The following CGNL1 variants were observed in gnomAD, a reference collection of about 807,000 sequenced individuals.
The protein encoded by CGNL1 is cingulin-like protein 1.
CGNL1 carries 132 observed loss-of-function variants against 141.2 expected under a neutral mutation model. The ratio of observed to expected loss-of-function variants is 0.93; its 90% CI spans 0.81 to 1.08. The LOEUF (loss-of-function observed/expected upper bound fraction) is 1.08, where lower values mean the gene tolerates loss of function less well. Ranked by LOEUF, CGNL1 falls within the 50% of genes least tolerant of loss-of-function variation. The pLI is 0.00. For missense variants in CGNL1, 1,870 were observed against 1,588.6 expected, an observed-to-expected ratio of 1.18 and a Z score of -3.01; for synonymous variants, 690 against 622.1, an observed-to-expected ratio of 1.11 and a Z score of -1.63.
intron 8 of CGNL1, among the ~76,000 whole-genome samples, chr15:57,479,481 C>T (rs12441608): frequency 0.25 from 38,103 of 151,856 alleles, 6,063 homozygotes; most frequent in East Asian, 0.6. Flanking sequence ...CTGGCCAACA[C>T]TGTGAAACCC....
In CGNL1 at chr15:57,442,182, G is replaced by GAAAAAAAAAAAAAAAAAAAA. The variant is rs61564944; in HGVS notation, c.1698-189_1698-170dup. ...TTGAGTGGTAACACATCATTTATTT[G>GAAAAAAAAAAAAAAAAAAAA]AAAAAAAAAAAAAAAAAAAAAGACA... On this transcript the variant is annotated intron_variant, in intron 3 of 18. Coordinates refer to ENST00000281282, the MANE Select transcript of CGNL1 (RefSeq NM_032866.5). 2.3e-3 allele frequency among the ~76,000 whole-genome samples: 220 copies of GAAAAAAAAAAAAAAAAAAAA among 96,494 alleles called. 20 individuals are homozygous for GAAAAAAAAAAAAAAAAAAAA. The highest frequency in any genetic ancestry group is 8.8e-3 in the African/African-American group (206 of 23,284). The allele number at this position is 96,494 out of a possible 152,430, so 63.3% of individuals were successfully genotyped here.
At chr15:57,489,010 G>A (rs530425316) in intron 8 of CGNL1, among the ~76,000 whole-genome samples, 3 of 152,210 alleles carry the variant, frequency 2.0e-5, no homozygotes, top group South Asian at 4.1e-4. Context: ...TGTCTAGTCC[G>A]GAATTTTTAA....
intron 8 of CGNL1, among the ~76,000 whole-genome samples, chr15:57,499,755 C>T (rs189658693): frequency 1.0e-3 from 159 of 152,250 alleles, no homozygotes; most frequent in African/African-American, 3.7e-3. Context: ...GTACTTTCCA[C>T]AGATAGTTGT....
At chr15:57,473,095 T>A (rs1437707550) in intron 8 of CGNL1, among the ~76,000 whole-genome samples, 5 of 152,074 alleles carry the variant, frequency 3.3e-5, no homozygotes, top group African/African-American at 1.2e-4. Flanking sequence ...GTGGATATGG[T>A]CAAGCCACAA....
intron 8 of CGNL1, among the ~76,000 whole-genome samples, chr15:57,481,506 A>G (rs2063725833): frequency 6.6e-6 from 1 of 152,180 alleles, no homozygotes; most frequent in Admixed American, 6.5e-5. Context: ...AAGCTGCTGC[A>G]TGTATCAACA....
chr15:57,398,155 T>C (rs1375114832), intron 1 of CGNL1, among the ~76,000 whole-genome samples: 1 of 152,230 alleles, frequency 6.6e-6, no homozygotes, highest in African/African-American at 2.4e-5. Context: ...TGTAAAGCAT[T>C]TGGAAAATAC....
At chr15:57,458,532 AC>A (rs1266342423) in intron 7 of CGNL1, among the ~76,000 whole-genome samples, 1 of 152,228 alleles carries the variant, frequency 6.6e-6, no homozygotes, top group African/African-American at 2.4e-5. Context: ...AAAAGGCAAC[AC>A]AAAACATAGA....
In CGNL1 at chr15:57,516,844, G is replaced by A. The variant is rs369076482; in HGVS notation, c.2468G>A (p.Arg823His). ...SEQDQAGTEMRVKLLQEENEK... is the reference protein window; with the variant it reads ...SEQDQAGTEMHVKLLQEENEK... ...CAAGACCAGGCGGGGACTGAAATGCGCGTGAAGCTTCTGCAGGAGGAGAAT... is the reference window on the plus strand; with the variant it reads ...CAAGACCAGGCGGGGACTGAAATGCACGTGAAGCTTCTGCAGGAGGAGAAT... Residue 823 changes from arginine (R) to histidine (H), a missense_variant, in exon 9 of 19, where the codon CGC becomes CAC. Transcript: ENST00000281282. The A allele has an allele frequency of 3.5e-5, 56 of 1,614,042 alleles. 1 individual carries two copies. Among genetic ancestry groups the A allele is most frequent in the Middle Eastern group, 3.3e-4 (2 of 6,060 alleles).
chr15:57,501,064 C>T (rs191205378), intron 8 of CGNL1, among the ~76,000 whole-genome samples: 1 of 152,252 alleles, frequency 6.6e-6, no homozygotes, highest in Non-Finnish European at 1.5e-5. Context: ...AATACCTAGA[C>T]ACATAAAAAC....
intron 8 of CGNL1, among the ~76,000 whole-genome samples, chr15:57,488,619 G>T (rs1201383537): frequency 6.6e-6 from 1 of 152,148 alleles, no homozygotes; most frequent in Non-Finnish European, 1.5e-5. Context: ...AAGCCCAAGG[G>T]TACACTGGTC....
In CGNL1 at chr15:57,438,249, C is replaced by T; in HGVS notation, c.250C>T (p.Leu84=). Residue 84 remains leucine (L), a synonymous_variant, in exon 2 of 19, where the codon CTG becomes TTG. Coordinates refer to ENST00000281282, the MANE Select transcript of CGNL1 (RefSeq NM_032866.5). ...PPFPPPVINN[L]PLHSSNGSVP... ...CTTTCCACCTCCAGTGATAAATAAC[C>T]TGCCTCTACATTCCAGCAATGGTTC... 4 of 1,614,158 alleles carry T rather than the reference C, an allele frequency of 2.5e-6. No homozygotes were observed. The highest frequency in any genetic ancestry group is 1.3e-5 in the African/African-American group (1 of 75,034).
intron 14 of CGNL1, among the ~76,000 whole-genome samples, chr15:57,538,311 A>G (rs1396868984): frequency 1.3e-5 from 2 of 152,244 alleles, no homozygotes; most frequent in Admixed American, 6.5e-5. Context: ...CTGGGTTTGC[A>G]AAGACTGAAG....
chr15:57,451,023 A>AC (rs1481284129), intron 4 of CGNL1, among the ~76,000 whole-genome samples: 1 of 151,466 alleles, frequency 6.6e-6, no homozygotes, highest in Non-Finnish European at 1.5e-5. Context: ...AAAATAGAAA[A>AC]AATGACTGTC....
At chr15:57,482,031 T>C (rs1230355287) in intron 8 of CGNL1, among the ~76,000 whole-genome samples, 1 of 152,228 alleles carries the variant, frequency 6.6e-6, no homozygotes, top group Non-Finnish European at 1.5e-5. Context: ...TGTCATTTCA[T>C]GTGCTCTTTT....
chr15:57,490,259 A>G (rs2063840559), intron 8 of CGNL1, among the ~76,000 whole-genome samples: 1 of 152,114 alleles, frequency 6.6e-6, no homozygotes, highest in African/African-American at 2.4e-5. Flanking sequence ...TGGATTTATG[A>G]CCTCTGGCTC....
At chr15:57,426,796 G>T (rs1370532415) in intron 1 of CGNL1, among the ~76,000 whole-genome samples, 1 of 152,056 alleles carries the variant, frequency 6.6e-6, no homozygotes, top group African/African-American at 2.4e-5. Context: ...GACATGAATG[G>T]TCCTTCTCCC....
At chr15:57,424,880 T>C (rs2062955940) in intron 1 of CGNL1, among the ~76,000 whole-genome samples, 1 of 152,234 alleles carries the variant, frequency 6.6e-6, no homozygotes, top group Non-Finnish European at 1.5e-5. Context: ...TGATACAGTT[T>C]CAGCAAAATG....
intron 1 of CGNL1, among the ~76,000 whole-genome samples, chr15:57,429,265 T>TG (rs2063015953): frequency 6.6e-6 from 1 of 151,998 alleles, no homozygotes; most frequent in Non-Finnish European, 1.5e-5. Context: ...CCACTTGACT[T>TG]GGGGGGTGGG....
intron 1 of CGNL1, among the ~76,000 whole-genome samples, chr15:57,425,229 T>A (rs1234944938): frequency 5.3e-5 from 8 of 152,206 alleles, no homozygotes; most frequent in Non-Finnish European, 1.0e-4. Flanking sequence ...CTGGGCGTGG[T>A]GGCTCGTGCT....
Sources: gnomAD v4.1 joint callset for allele counts (sites outside exome capture counted in the v4.1 genomes callset) on GRCh38, gnomAD v4.1.1 for gene constraint, MANE v1.5 for transcripts, NCBI Gene and HGNC (gene_info 2026-07-23, HGNC 2026-07-21) for gene names.